CEMIP: variants seen among roughly 807,000 people sequenced by gnomAD.
The protein encoded by CEMIP is cell migration-inducing and hyaluronan-binding protein.
Under a neutral mutation model 156.9 loss-of-function variants are expected in CEMIP, and 105 were observed. That is an observed-to-expected ratio of 0.67 (90% confidence interval 0.57 to 0.79). The LOEUF is 0.79. Among genes scored for constraint, CEMIP ranks in the 30% least tolerant of loss-of-function variants. The pLI, the probability that CEMIP is intolerant of heterozygous loss-of-function variation, is 0.00. For missense variants in CEMIP, 1,457 were observed against 1,769.4 expected (o/e 0.82, Z 3.17); for synonymous variants, 676 against 668.4 (o/e 1.01, Z -0.17).
intron 28 of CEMIP, among the ~76,000 whole-genome samples, chr15:80,945,378 T>G (rs1050349207): frequency 2.6e-5 from 4 of 152,112 alleles, no homozygotes; most frequent in Non-Finnish European, 5.9e-5. Flanking sequence ...TACATTTGAG[T>G]CCCCCAAGTA....
At chr15:80,881,457 C>T (rs1250165239) in intron 6 of CEMIP, among the ~76,000 whole-genome samples, 2 of 152,112 alleles carry the variant, frequency 1.3e-5, no homozygotes, top group Non-Finnish European at 2.9e-5. Context: ...CAGGGAAAGG[C>T]AGTGTAAGGA....
At chr15:80,789,691 A>C (rs966521021) in intron 1 of CEMIP, among the ~76,000 whole-genome samples, 5 of 152,194 alleles carry the variant, frequency 3.3e-5, no homozygotes, top group Non-Finnish European at 7.3e-5. Context: ...TGAACTTTCC[A>C]GGTGACTGAG....
At chr15:80,944,005 C>A (rs1338715575) in intron 28 of CEMIP, among the ~76,000 whole-genome samples, 1 of 152,148 alleles carries the variant, frequency 6.6e-6, no homozygotes, top group Non-Finnish European at 1.5e-5. Flanking sequence ...CTTGGCAGGG[C>A]GCATTGGCTC....
chr15:80,810,106 G>A (rs1018576000), intron 1 of CEMIP, among the ~76,000 whole-genome samples: 1 of 142,636 alleles, frequency 7.0e-6, no homozygotes, highest in African/African-American at 3.0e-5. Context: ...GAATCTTGGT[G>A]GGGGGATCTT....
At chr15:80,909,797 G>C (rs1358844390) in intron 14 of CEMIP, 1 of 363,856 alleles carries the variant, frequency 2.7e-6, no homozygotes, top group Non-Finnish European at 5.4e-6. Flanking sequence ...ATGTGTATCA[G>C]AGGCTTGTCT....
chr15:80,843,690 C>T (rs531465677), intron 1 of CEMIP, among the ~76,000 whole-genome samples: 39 of 152,322 alleles, frequency 2.6e-4, no homozygotes, highest in African/African-American at 8.2e-4. Context: ...CAGTCTCAGA[C>T]GGTTTCTATA....
At chr15:80,819,660 G>T (rs1478870563) in intron 1 of CEMIP, among the ~76,000 whole-genome samples, 4 of 152,160 alleles carry the variant, frequency 2.6e-5, no homozygotes, top group Admixed American at 2.6e-4. Flanking sequence ...TAAATGATGG[G>T]CTAGATTGCT....
Position 80,912,503 on chromosome 15 carries a change from C to T in CEMIP, c.1797+3197C>T, listed in dbSNP as rs553120704. Among the ~76,000 whole-genome samples, 3 of 152,340 alleles carry T rather than the reference C, an allele frequency of 2.0e-5. No homozygotes were observed. The South Asian group carries it at 6.2e-4, about 32-fold the overall frequency. ...AGCCTCACTCAGCTTGATGGCCAAG[C>T]TGGTGGGTTAGGATTTGGAGTCTGC... On this transcript the variant is annotated intron_variant, in intron 14 of 29. Transcript: ENST00000394685.
chr15:80,787,009 A>C (rs1302897845), intron 1 of CEMIP, among the ~76,000 whole-genome samples: 4 of 152,254 alleles, frequency 2.6e-5, no homozygotes, highest in Non-Finnish European at 5.9e-5. Context: ...AGAGGAGGCA[A>C]GTCAGATAGA....
intron 29 of CEMIP, chr15:80,947,627 T>A (rs1313385677): frequency 1.3e-5 from 2 of 156,314 alleles, no homozygotes. Flanking sequence ...CATGTCAGCA[T>A]GACACCCATT....
chr15:80,804,916 C>A (rs1025141379), intron 1 of CEMIP, among the ~76,000 whole-genome samples: 7 of 152,138 alleles, frequency 4.6e-5, no homozygotes, highest in Admixed American at 3.9e-4. Context: ...TTTAATTCAT[C>A]GCTCATGTAG....
At chr15:80,867,891 G>A (rs989088669) in intron 1 of CEMIP, among the ~76,000 whole-genome samples, 13 of 152,146 alleles carry the variant, frequency 8.5e-5, no homozygotes, top group Admixed American at 6.5e-4. Context: ...GTGTTTGGCT[G>A]CCCCTTACCT....
At chr15:80,802,539 A>G (rs1896404154) in intron 1 of CEMIP, among the ~76,000 whole-genome samples, 1 of 152,156 alleles carries the variant, frequency 6.6e-6, no homozygotes, top group Non-Finnish European at 1.5e-5. Flanking sequence ...GCTCTAATGG[A>G]TGGTCTCATC....
intron 17 of CEMIP, among the ~76,000 whole-genome samples, chr15:80,924,092 A>G (rs1051431496): frequency 7.9e-5 from 12 of 152,198 alleles, no homozygotes; most frequent in Admixed American, 3.9e-4. Context: ...ATTTCTCCCT[A>G]TCCCATGGCT....
intron 19 of CEMIP, among the ~76,000 whole-genome samples, chr15:80,927,588 C>T (rs1296374260): frequency 6.6e-6 from 1 of 152,172 alleles, no homozygotes; most frequent in Admixed American, 6.5e-5. Context: ...TGCGAAGACC[C>T]CTCCTGCCAA....
At chr15:80,899,336 A>G (rs1296511905) in intron 12 of CEMIP, among the ~76,000 whole-genome samples, 1 of 152,208 alleles carries the variant, frequency 6.6e-6, no homozygotes, top group Non-Finnish European at 1.5e-5. Context: ...GGGAGCCTGC[A>G]GTCCAGCAGT....
At chr15:80,836,042 A>G (rs1410232235) in intron 1 of CEMIP, among the ~76,000 whole-genome samples, 2 of 149,018 alleles carry the variant, frequency 1.3e-5, no homozygotes, top group African/African-American at 4.9e-5. Context: ...AGTGGCTCAT[A>G]CTTGGTATAT....
intron 4 of CEMIP, 131 bp downstream of exon 4, chr15:80,878,998 G>T: frequency 8.2e-7 from 1 of 1,219,542 alleles, no homozygotes; most frequent in Non-Finnish European, 1.2e-6. Context: ...TTGGCATTTG[G>T]TTGTCTGAGA....
chr15:80,889,325 A>G, intron 9 of CEMIP, 146 bp from the exon 10 acceptor site: 1 of 1,061,176 alleles, frequency 9.4e-7, no homozygotes, highest in South Asian at 1.3e-5. Flanking sequence ...CAGATTGATT[A>G]GAGCCATCCA....
Sources: allele counts gnomAD v4.1 joint callset (sites outside exome capture counted in the v4.1 genomes callset), GRCh38; gene constraint gnomAD v4.1.1; transcripts MANE v1.5; gene names NCBI Gene and HGNC (gene_info 2026-07-23, HGNC 2026-07-21).